Variants in CDH22 observed in about 807,000 individuals in gnomAD.
CDH22 encodes cadherin 22.
Under a neutral mutation model 58.4 loss-of-function variants are expected in CDH22, and 30 were observed. The observed-to-expected ratio is 0.51, with a 90% CI of 0.38 to 0.70. The LOEUF (loss-of-function observed/expected upper bound fraction) is 0.70. Among genes scored for constraint, CDH22 ranks in the 30% least tolerant of loss-of-function variants. The pLI, the probability that CDH22 is intolerant of heterozygous loss-of-function variation, is 0.00. For missense variants in CDH22, 1,014 were observed against 1,233.9 expected (o/e 0.82, Z 2.67); for synonymous variants, 513 against 558.2 (o/e 0.92, Z 1.14).
intron 7 of CDH22, among the ~76,000 whole-genome samples, chr20:46,203,352 T>C (rs1600695045): frequency 6.6e-6 from 1 of 151,920 alleles, no homozygotes; most frequent in African/African-American, 2.4e-5. Context: ...GGGGCGAAGC[T>C]TGTGCAGCTC....
chr20:46,287,098 A>G (rs1436055258), intron 1 of CDH22, among the ~76,000 whole-genome samples: 1 of 152,172 alleles, frequency 6.6e-6, no homozygotes, highest in East Asian at 1.9e-4. Context: ...AATATCAAGC[A>G]GAAAAGACAG....
At chr20:46,301,826 T>G (rs1264693928) in intron 1 of CDH22, among the ~76,000 whole-genome samples, 1 of 151,962 alleles carries the variant, frequency 6.6e-6, no homozygotes, top group Admixed American at 6.6e-5. Flanking sequence ...ATATATATAG[T>G]ATATATATTA....
intron 1 of CDH22, among the ~76,000 whole-genome samples, chr20:46,262,243 G>T (rs1235066739): frequency 6.6e-6 from 1 of 151,650 alleles, no homozygotes; most frequent in Non-Finnish European, 1.5e-5. Flanking sequence ...GTGGTGGAGT[G>T]GGGGCAGGAT....
At chr20:46,236,105 G>T (rs1256902880) in intron 3 of CDH22, among the ~76,000 whole-genome samples, 1 of 152,052 alleles carries the variant, frequency 6.6e-6, no homozygotes, top group African/African-American at 2.4e-5. Context: ...TGTTCTCTCT[G>T]CCTGGAACAT....
intron 1 of CDH22, among the ~76,000 whole-genome samples, chr20:46,265,007 C>G (rs536109829): frequency 6.6e-6 from 1 of 152,314 alleles, no homozygotes; most frequent in Non-Finnish European, 1.5e-5. Flanking sequence ...GTGCCCCTGG[C>G]CTGCACCTGT....
At chr20:46,288,932 T>C (rs115883476) in intron 1 of CDH22, among the ~76,000 whole-genome samples, 1,535 of 152,316 alleles carry the variant, frequency 0.01, 32 homozygotes, top group African/African-American at 0.035. Context: ...AGTTATGGTG[T>C]TAAAACATAA....
chr20:46,246,431 A>T (rs1052301115), intron 2 of CDH22, among the ~76,000 whole-genome samples: 7 of 152,176 alleles, frequency 4.6e-5, no homozygotes, highest in Non-Finnish European at 7.3e-5. Context: ...ATCTTTTTTT[A>T]AAAAATTAAA....
chr20:46,223,846 C>CTTCCTTCCTTCT (rs2086152003), intron 4 of CDH22, among the ~76,000 whole-genome samples: 1 of 27,268 alleles, frequency 3.7e-5, no homozygotes, highest in Non-Finnish European at 8.5e-5. Context: ...TCCTTCCTTC[C>CTTCCTTCCTTCT]TTCCTTCTTT....
intron 1 of CDH22, among the ~76,000 whole-genome samples, chr20:46,277,315 G>A (rs193152521): frequency 9.2e-5 from 14 of 152,280 alleles, no homozygotes; most frequent in African/African-American, 3.4e-4. Flanking sequence ...GATAGTGTTG[G>A]CAGGGTTTAC....
At chr20:46,303,789 G>A (rs1034171313) in intron 1 of CDH22, among the ~76,000 whole-genome samples, 34 of 152,178 alleles carry the variant, frequency 2.2e-4, no homozygotes, top group Non-Finnish European at 1.0e-4. Flanking sequence ...GAATGTCATA[G>A]TGCCGAGTCT....
intron 8 of CDH22, among the ~76,000 whole-genome samples, chr20:46,189,911 C>A (rs1368555750): frequency 5.3e-5 from 8 of 151,842 alleles, no homozygotes; most frequent in African/African-American, 1.9e-4. Context: ...ACCTGGAGAG[C>A]CTTTAAAAAC....
chr20:46,200,796 TG>T (rs990941030), intron 7 of CDH22, among the ~76,000 whole-genome samples: 10 of 152,000 alleles, frequency 6.6e-5, no homozygotes, highest in African/African-American at 2.2e-4. Flanking sequence ...TGGCGTGTAC[TG>T]GGGAGCCAAC....
At position 46,216,778 on chromosome 20, in the gene CDH22, A is replaced by G. The variant is rs781068621; in HGVS notation, c.838+48T>C. 3 of 1,557,164 alleles carry G rather than the reference A, an allele frequency of 1.9e-6. No individual in the cohort carries two copies. Among genetic ancestry groups the G allele is most frequent in the Non-Finnish European group, 2.6e-6 (3 of 1,134,936 alleles). ...GGTCAGCAGGTGGCTTGGATGGGGT[A>G]ACAGACAGACACACAGACGCGCCTT... On this transcript the variant is annotated intron_variant, in intron 5 of 11. Coordinates refer to ENST00000537909, the MANE Select transcript of CDH22 (RefSeq NM_021248.3). The surrounding 1 kb of genome is among the most constrained non-coding windows in gnomAD (Gnocchi z 5.3).
intron 8 of CDH22, among the ~76,000 whole-genome samples, chr20:46,197,539 A>C (rs988911980): frequency 4.6e-5 from 7 of 152,066 alleles, no homozygotes; most frequent in African/African-American, 1.7e-4. Flanking sequence ...TGTATCTGTG[A>C]GTAGGGAGAG....
Position 46,208,832 on chromosome 20 carries a change from A to G in CDH22, c.1286+1475T>C, listed in dbSNP as rs112129849. ...GGTCTCAAACTCCTGACCTCGGGTG[A>G]TCTGCCCGCCTCGGCCTCCCAAAGT... On this transcript the variant is annotated intron_variant, in intron 7 of 11. Coordinates refer to ENST00000537909, the MANE Select transcript of CDH22 (RefSeq NM_021248.3). Among the ~76,000 whole-genome samples the G allele has an allele frequency of 4.8e-3, 733 of 152,278 alleles. 7 individuals are homozygous for G. Among genetic ancestry groups the G allele is most frequent in the African/African-American group, 0.017 (705 of 41,562 alleles).
intron 8 of CDH22, among the ~76,000 whole-genome samples, chr20:46,187,235 A>G (rs1486002975): frequency 6.6e-6 from 1 of 151,970 alleles, no homozygotes; most frequent in Non-Finnish European, 1.5e-5. Flanking sequence ...CACCATCACC[A>G]CTGTCAGCAT....
intron 1 of CDH22, among the ~76,000 whole-genome samples, chr20:46,298,085 T>C (rs1373886147): frequency 2.0e-5 from 3 of 152,174 alleles, no homozygotes; most frequent in South Asian, 4.1e-4. Context: ...AAATGCATTA[T>C]CAGATCGGTA....
intron 10 of CDH22, 60 bp downstream of exon 10, chr20:46,186,528 G>C: frequency 8.2e-7 from 1 of 1,223,290 alleles, no homozygotes; most frequent in Non-Finnish European, 1.2e-6. Flanking sequence ...TCTATAATAT[G>C]GGAACAGGGC....
chr20:46,257,350 C>G (rs909339179), intron 1 of CDH22, among the ~76,000 whole-genome samples: 2 of 151,154 alleles, frequency 1.3e-5, no homozygotes, highest in Non-Finnish European at 2.9e-5. Context: ...TAGTCAGAAG[C>G]TGGGGTTGGG....
Sources: gnomAD v4.1 joint callset for allele counts (sites outside exome capture counted in the v4.1 genomes callset) on GRCh38, gnomAD v4.1.1 for gene constraint, Gnocchi (gnomAD v3.1) non-coding constraint, MANE v1.5 for transcripts, NCBI Gene and HGNC (gene_info 2026-07-23, HGNC 2026-07-21) for gene names.